PARP4: variants seen among roughly 807,000 people sequenced by gnomAD.
The protein encoded by PARP4 is poly(ADP-ribose) polymerase family member 4, also known as protein mono-ADP-ribosyltransferase PARP4.
A neutral mutation model predicts 187.7 loss-of-function variants in PARP4; 120 were observed. The ratio of observed to expected loss-of-function variants is 0.64; its 90% CI spans 0.55 to 0.74. PARP4 has a LOEUF of 0.74. PARP4 is among the 30% of genes least tolerant of loss of function. The pLI, the probability that PARP4 is intolerant of heterozygous loss-of-function variation, is 0.00. For synonymous variants in PARP4, 654 were observed against 740.9 expected, an observed-to-expected ratio of 0.88 and a Z score of 1.90; for missense variants, 1,836 against 2,070.5, an observed-to-expected ratio of 0.89 and a Z score of 2.20.
chr13:24,504,278 T>A (rs980263697), intron 1 of PARP4, among the ~76,000 whole-genome samples: 33 of 151,360 alleles, frequency 2.2e-4, no homozygotes, highest in African/African-American at 7.3e-4. Context: ...TATGTGTGTG[T>A]ATACACATAT....
Position 24,459,269 on chromosome 13 carries a change from C to T in PARP4, c.2340G>A (p.Lys780=). 4 of 1,585,376 alleles carry T rather than the reference C, an allele frequency of 2.5e-6. No individual in the cohort carries two copies. The Admixed American group carries it at 5.4e-5, about 21-fold the overall frequency. Residue 780 remains lysine (K), a synonymous_variant, in exon 19 of 34, where the codon AAG becomes AAA. Coordinates refer to ENST00000381989, the MANE Select transcript of PARP4 (RefSeq NM_006437.4). ...EKICIKEIGT[K]QSFSLTMSIE... is the part of the protein sequence containing the mutation. ...TTTATATTTTAGGTACTAACCTTTGCTTTGTTCCTATTTCTTTTATACAAA... is the reference window on the plus strand; with the variant it reads ...TTTATATTTTAGGTACTAACCTTTGTTTTGTTCCTATTTCTTTTATACAAA...
chr13:24,505,139 G>GACAC (rs141835469), intron 1 of PARP4, among the ~76,000 whole-genome samples: 12,160 of 150,056 alleles, frequency 0.081, 627 homozygotes, highest in Non-Finnish European at 0.12. Flanking sequence ...GTTAAAGAAA[G>GACAC]ACACACACAC....
chr13:24,431,258 T>C (rs1164899335), intron 32 of PARP4, 119 bp downstream of exon 32: 1 of 613,980 alleles, frequency 1.6e-6, no homozygotes, highest in African/African-American at 2.0e-5. Flanking sequence ...TCCATTCGAA[T>C]ATAACTTTCA....
rs397689023 is a variant in PARP4 at position 24,500,047 on chromosome 13, T to TTTA, written c.401+268_401+269insTAA. Reference sequence around the variant, plus strand: ...AATAGGATGAAAATAGGTTTTTTTTTAAAAGAATTAAAAAAAAAACCCACT... The same window carrying TTTA: ...AATAGGATGAAAATAGGTTTTTTTTTTTAAAAAGAATTAAAAAAAAAACCCACT... On this transcript the variant is annotated intron_variant, in intron 4 of 33. Coordinates refer to ENST00000381989, the MANE Select transcript of PARP4 (RefSeq NM_006437.4). 2.0e-3 allele frequency among the ~76,000 whole-genome samples: 300 copies of TTTA among 150,812 alleles called. 2 individuals are homozygous for TTTA. The highest frequency in any genetic ancestry group is 5.8e-3 in the African/African-American group (239 of 41,028).
rs1292782176 is a variant in PARP4 at position 24,463,626 on chromosome 13, A to C, written c.2134-3490T>G. Among the ~76,000 whole-genome samples the C allele has an allele frequency of 3.9e-5, 6 of 152,320 alleles. No individual in the cohort carries two copies. In the East Asian group the frequency reaches 1.2e-3, roughly 29 times the overall value. ...TTATGTTAAAAACTCTCAGTAAACT[A>C]GTTATTGATGGAACATATTTCAAAA... On this transcript the variant is annotated intron_variant, in intron 17 of 33. Coordinates refer to ENST00000381989, the MANE Select transcript of PARP4 (RefSeq NM_006437.4).
Position 24,493,581 on chromosome 13 carries a change from G to T in PARP4, c.879+15C>A. On this transcript the variant is annotated intron_variant, in intron 8 of 33. Coordinates refer to ENST00000381989, the MANE Select transcript of PARP4 (RefSeq NM_006437.4). ...CAGATTTTTCACATTCTGTTTCAGC[G>T]ACACACCAACTTACATCGTTGAGGC... The T allele has an allele frequency of 6.3e-7, 1 of 1,591,750 alleles. No individual in the cohort carries two copies. The highest frequency in any genetic ancestry group is 1.1e-5 in the South Asian group (1 of 87,392).
At chr13:24,483,434 C>T (rs1421867810) in intron 12 of PARP4, among the ~76,000 whole-genome samples, 12 of 116,200 alleles carry the variant, frequency 1.0e-4, no homozygotes, top group African/African-American at 3.3e-4. Context: ...TGCAGTGAGC[C>T]GAGATTGTGC....
intron 17 of PARP4, among the ~76,000 whole-genome samples, chr13:24,460,462 G>A (rs1872159498): frequency 1.0e-5 from 1 of 99,128 alleles, no homozygotes; most frequent in Non-Finnish European, 2.2e-5. Context: ...CTGCACGGGT[G>A]GGCTCTGCTG....
chr13:24,482,198 G>A (rs61948871), intron 12 of PARP4, among the ~76,000 whole-genome samples: 19,330 of 152,264 alleles, frequency 0.13, 1,478 homozygotes, highest in Middle Eastern at 0.29. Flanking sequence ...GATCAAACTT[G>A]AAAGAATGAG....
chr13:24,490,596 A>C (rs1566016424), intron 10 of PARP4, 72 bp downstream of exon 10: 33 of 1,141,514 alleles, frequency 2.9e-5, no homozygotes, highest in Middle Eastern at 4.1e-4. Context: ...TAATTACTGT[A>C]ATTAGCTCTT....
chr13:24,436,887 A>G (rs183096147), intron 30 of PARP4, among the ~76,000 whole-genome samples: 29 of 152,342 alleles, frequency 1.9e-4, no homozygotes, highest in African/African-American at 5.8e-4. Context: ...TTATACCTGA[A>G]TAATTAATAT....
chr13:24,487,916 AT>A (rs1248770089), intron 10 of PARP4, among the ~76,000 whole-genome samples: 2 of 152,198 alleles, frequency 1.3e-5, no homozygotes, highest in African/African-American at 4.8e-5. Context: ...GGGTGGTGAG[AT>A]TTTGAGTGAT....
intron 1 of PARP4, among the ~76,000 whole-genome samples, chr13:24,508,880 T>C (rs1326737134): frequency 6.6e-6 from 1 of 152,228 alleles, no homozygotes; most frequent in Non-Finnish European, 1.5e-5. Flanking sequence ...TCAGCATCTT[T>C]AGCATTTTGT....
chr13:24,504,739 G>A (rs537539035), intron 1 of PARP4, among the ~76,000 whole-genome samples: 5 of 151,060 alleles, frequency 3.3e-5, no homozygotes, highest in Admixed American at 6.6e-5. Flanking sequence ...TGTCACCCAC[G>A]CTGGAGTGCA....
chr13:24,432,989 G>A (rs115569198), intron 31 of PARP4, among the ~76,000 whole-genome samples: 2,329 of 152,258 alleles, frequency 0.015, 63 homozygotes, highest in African/African-American at 0.052. Flanking sequence ...CCAACCCATA[G>A]AGAAGTGGTA....
chr13:24,477,917 G>A, intron 13 of PARP4, 60 bp from the exon 14 acceptor site: 1 of 1,272,000 alleles, frequency 7.9e-7, no homozygotes, highest in Non-Finnish European at 1.1e-6. Flanking sequence ...ACCTGTATTG[G>A]CAGATGTTTT....
intron 17 of PARP4, among the ~76,000 whole-genome samples, chr13:24,464,911 T>C (rs570949345): frequency 6.6e-6 from 1 of 152,026 alleles, no homozygotes; most frequent in East Asian, 1.9e-4. Flanking sequence ...GAAGGTCTAA[T>C]ATCCAGAATC....
intron 24 of PARP4, among the ~76,000 whole-genome samples, 187 bp from the exon 25 acceptor site, chr13:24,450,004 T>G (rs79574786): frequency 2.0e-5 from 3 of 152,174 alleles, no homozygotes; most frequent in Non-Finnish European, 2.9e-5. Context: ...TTTGGCTAAT[T>G]TAAGCTCCCA....
intron 33 of PARP4, 146 bp downstream of exon 33, chr13:24,426,319 TG>T: frequency 1.6e-6 from 1 of 629,148 alleles, no homozygotes; most frequent in Non-Finnish European, 2.7e-6. Flanking sequence ...CAGGAGACTA[TG>T]GGCAAGCTGT....
Sources: gnomAD v4.1 joint callset for allele counts (sites outside exome capture counted in the v4.1 genomes callset) on GRCh38, gnomAD v4.1.1 for gene constraint, MANE v1.5 for transcripts, NCBI Gene and HGNC (gene_info 2026-07-23, HGNC 2026-07-21) for gene names.